Variants in DHTKD1 observed in about 807,000 individuals in gnomAD.
DHTKD1 encodes the protein 2-oxoadipate dehydrogenase complex component E1.
DHTKD1 carries 78 observed loss-of-function variants against 101.8 expected under a neutral mutation model. The observed-to-expected ratio is 0.77, with a 90% confidence interval of 0.64 to 0.93. DHTKD1 has a LOEUF of 0.93. DHTKD1 is among the 40% of genes least tolerant of loss of function. DHTKD1 has a pLI of 0.00. For missense variants in DHTKD1, 1,223 were observed against 1,161.7 expected (o/e 1.05, Z -0.77); for synonymous variants, 462 against 450.3 (o/e 1.03, Z -0.33).
chr10:12,074,517 G>A (rs780570561), intron 1 of DHTKD1, among the ~76,000 whole-genome samples: 106 of 151,748 alleles, frequency 7.0e-4, no homozygotes, highest in Non-Finnish European at 1.4e-3. Context: ...CACCATGCCC[G>A]GCTAATTTTT....
chr10:12,076,698 G>A (rs1415797406), intron 1 of DHTKD1, among the ~76,000 whole-genome samples: 2 of 151,688 alleles, frequency 1.3e-5, no homozygotes, highest in Non-Finnish European at 2.9e-5. Context: ...TTGCTGTGTC[G>A]CCCAGGCTGG....
intron 1 of DHTKD1, among the ~76,000 whole-genome samples, chr10:12,077,681 G>A (rs969113663): frequency 1.3e-5 from 2 of 152,218 alleles, no homozygotes; most frequent in African/African-American, 2.4e-5. Context: ...ATAGGGAGAT[G>A]TCAATGAAGA....
intron 6 of DHTKD1, among the ~76,000 whole-genome samples, chr10:12,092,203 G>A (rs60704182): frequency 1.1e-3 from 171 of 151,984 alleles, no homozygotes; most frequent in African/African-American, 3.8e-3. Context: ...GGCTGGTCTT[G>A]AACTCCTGAC....
intron 10 of DHTKD1, among the ~76,000 whole-genome samples, chr10:12,105,569 C>T (rs914126443): frequency 2.0e-5 from 3 of 152,058 alleles, no homozygotes; most frequent in Non-Finnish European, 2.9e-5. Context: ...CCTCCCATCT[C>T]GGCCTCCCAA....
At chr10:12,093,454 A>T (rs1304026171) in intron 6 of DHTKD1, among the ~76,000 whole-genome samples, 1 of 152,194 alleles carries the variant, frequency 6.6e-6, no homozygotes, top group African/African-American at 2.4e-5. Flanking sequence ...AACTGCTGAG[A>T]TTACAGGCGT....
At position 12,123,214 on chromosome 10, in the gene DHTKD1, T is replaced by G. The variant is rs184308961; in HGVS notation, c.*2326T>G. On this transcript the variant is annotated 3_prime_UTR_variant, in exon 17 of 17. Coordinates refer to ENST00000263035, the MANE Select transcript of DHTKD1 (RefSeq NM_018706.7). ...AAAAAAAATAAAAGCACATTGTCAT[T>G]TTTTTTCCTCAGGACTCCTGGACTT... 31 of 152,294 alleles carry G rather than the reference T, an allele frequency of 2.0e-4. No individual in the cohort carries two copies. Among genetic ancestry groups the G allele is most frequent in the African/African-American group, 7.5e-4 (31 of 41,570 alleles). The allele number at this position is 152,294 out of a possible 1,614,324, so 9.4% of individuals were successfully genotyped here.
At chr10:12,111,291 G>A (rs1021230209) in intron 12 of DHTKD1, among the ~76,000 whole-genome samples, 3 of 152,014 alleles carry the variant, frequency 2.0e-5, no homozygotes, top group Admixed American at 6.6e-5. Context: ...TCAGCCTCCC[G>A]AGTAGCTGGG....
At chr10:12,095,707 G>A (rs1341489026) in intron 7 of DHTKD1, among the ~76,000 whole-genome samples, 4 of 150,368 alleles carry the variant, frequency 2.7e-5, no homozygotes, top group Non-Finnish European at 4.4e-5. Context: ...CAGCTACTCG[G>A]GAGGCTGAGG....
At chr10:12,108,041 A>G (rs775592579) in intron 12 of DHTKD1, 26 bp downstream of exon 12, 54 of 1,562,448 alleles carry the variant, frequency 3.5e-5, no homozygotes, top group Non-Finnish European at 4.2e-5. Context: ...TCCGGAGTCA[A>G]TGAATCATTT....
At chr10:12,119,224 T>C (rs956594425) in intron 15 of DHTKD1, among the ~76,000 whole-genome samples, 3 of 150,524 alleles carry the variant, frequency 2.0e-5, no homozygotes, top group African/African-American at 7.4e-5. Context: ...AAGAATTGCT[T>C]GAACCTGGGA....
chr10:12,115,412 G>T (rs954938370), intron 13 of DHTKD1, among the ~76,000 whole-genome samples: 2 of 152,108 alleles, frequency 1.3e-5, no homozygotes, highest in Non-Finnish European at 1.5e-5. Context: ...GTTTTAAGCA[G>T]TTTTTAGCAT....
rs754865994 is a variant in DHTKD1, at chr10:12,087,513, C to G, written c.523-22C>G. Reference sequence around the variant, plus strand: ...AAGCTGGCTGTCTCCTGGCAGCTCACGTCTGACATGATGTTCTGCAGGAGT... The same window carrying G: ...AAGCTGGCTGTCTCCTGGCAGCTCAGGTCTGACATGATGTTCTGCAGGAGT... On this transcript the variant is annotated intron_variant, in intron 3 of 16. Coordinates refer to ENST00000263035, the MANE Select transcript of DHTKD1 (RefSeq NM_018706.7). This position sits in a 1 kb window ranked among gnomAD's most constrained non-coding sequence, Gnocchi z 5.2. The G allele has an allele frequency of 6.4e-7, 1 of 1,566,942 alleles. No individual in the cohort carries two copies. Among genetic ancestry groups the G allele is most frequent in the African/African-American group, 1.4e-5 (1 of 73,994 alleles).
intron 6 of DHTKD1, among the ~76,000 whole-genome samples, chr10:12,092,313 A>G (rs903823735): frequency 6.6e-6 from 1 of 152,014 alleles, no homozygotes; most frequent in African/African-American, 2.4e-5. Flanking sequence ...CCAAAGAAAT[A>G]AGACAAGGAT....
chr10:12,075,818 G>A (rs955192157), intron 1 of DHTKD1, among the ~76,000 whole-genome samples: 1 of 151,570 alleles, frequency 6.6e-6, no homozygotes, highest in African/African-American at 2.4e-5. Context: ...GTTGAAGTAC[G>A]TTTTATCTAG....
At position 12,121,369 on chromosome 10, in the gene DHTKD1, A is replaced by G. The variant is rs1833525963; in HGVS notation, c.*481A>G. 1 of 157,394 alleles carries G rather than the reference A, an allele frequency of 6.4e-6. No individual in the cohort carries two copies. Among genetic ancestry groups the G allele is most frequent in the African/African-American group, 2.4e-5 (1 of 41,526 alleles). The allele number at this position is 157,394 out of a possible 1,614,324, so 9.7% of individuals were successfully genotyped here. A position where few individuals can be genotyped will look rare whatever the true frequency, so the allele number is the denominator to read the frequency against. On this transcript the variant is annotated 3_prime_UTR_variant, in exon 17 of 17. Coordinates refer to ENST00000263035, the MANE Select transcript of DHTKD1 (RefSeq NM_018706.7). ...CTGCAATAGGTGGAATAACCAGGGGAACTGGTTATGAATATGTGAATGCAA... is the reference window on the plus strand; with the variant it reads ...CTGCAATAGGTGGAATAACCAGGGGGACTGGTTATGAATATGTGAATGCAA...
At chr10:12,097,082 GTTTA>G (rs1357622206) in intron 7 of DHTKD1, among the ~76,000 whole-genome samples, 3 of 151,950 alleles carry the variant, frequency 2.0e-5, no homozygotes, top group East Asian at 1.9e-4. Context: ...ATTTAACATT[GTTTA>G]TTTATTTTGT....
intron 7 of DHTKD1, among the ~76,000 whole-genome samples, chr10:12,095,956 C>G (rs759167786): frequency 2.0e-5 from 3 of 152,072 alleles, no homozygotes; most frequent in Non-Finnish European, 4.4e-5. Context: ...TTGCAGTGAG[C>G]TGAGATTGTG....
chr10:12,106,638 T>G (rs1722460), intron 11 of DHTKD1, among the ~76,000 whole-genome samples: 2 of 152,132 alleles, frequency 1.3e-5, no homozygotes, highest in African/African-American at 4.8e-5. Context: ...GCACCTGTGC[T>G]CAGGGGTCAG....
intron 15 of DHTKD1, among the ~76,000 whole-genome samples, chr10:12,119,411 C>T (rs1313513314): frequency 6.7e-6 from 1 of 148,770 alleles, no homozygotes; most frequent in Admixed American, 6.8e-5. Context: ...GTCAGGAGAT[C>T]AAGACCATCC....
Sources: gnomAD v4.1 joint callset for allele counts (sites outside exome capture counted in the v4.1 genomes callset) on GRCh38, gnomAD v4.1.1 for gene constraint, Gnocchi (gnomAD v3.1) non-coding constraint, MANE v1.5 for transcripts, NCBI Gene and HGNC (gene_info 2026-07-23, HGNC 2026-07-21) for gene names.